KIF26B: variants seen among roughly 807,000 people sequenced by gnomAD.
KIF26B encodes the protein kinesin-like protein KIF26B.
Under a neutral mutation model 151.2 loss-of-function variants are expected in KIF26B, and 63 were observed. That is an observed-to-expected ratio of 0.42 (90% CI 0.34 to 0.51). The LOEUF is 0.51. Among genes scored for constraint, KIF26B ranks in the 20% least tolerant of loss-of-function variants. KIF26B has a pLI of 0.07. For synonymous variants in KIF26B, 1,357 were observed against 1,262.1 expected (o/e 1.08, Z -1.59); for missense variants, 2,813 against 2,913.6 (o/e 0.97, Z 0.79).
Position 245,374,051 on chromosome 1 carries a change from A to T in KIF26B, c.999+6684A>T, listed in dbSNP as rs551022. ...TAACCTGGGTGACAGAGACCCGAGA[A>T]CCTATCTCAAAAAAAAAAAAAAAAA... On this transcript the variant is annotated intron_variant, in intron 3 of 14. Transcript: ENST00000407071. Among the ~76,000 whole-genome samples, 153 of 84,530 alleles carry T rather than the reference A, an allele frequency of 1.8e-3. 1 individual carries two copies. Among genetic ancestry groups the T allele is most frequent in the African/African-American group, 6.9e-3 (144 of 20,838 alleles). The allele number at this position is 84,530 out of a possible 152,430, so 55.5% of individuals were successfully genotyped here. A position where few individuals can be genotyped will look rare whatever the true frequency, so the allele number is the denominator to read the frequency against.
intron 2 of KIF26B, among the ~76,000 whole-genome samples, chr1:245,274,755 T>C (rs1670910986): frequency 6.6e-6 from 1 of 152,208 alleles, no homozygotes; most frequent in Admixed American, 6.5e-5. Context: ...AGTAAGGGGA[T>C]TGCTGGGTCA....
intron 5 of KIF26B, among the ~76,000 whole-genome samples, chr1:245,596,144 G>T (rs915382012): frequency 6.6e-6 from 1 of 151,992 alleles, no homozygotes; most frequent in African/African-American, 2.4e-5. Flanking sequence ...AGGATTTTTT[G>T]TGTCTCTATT....
At chr1:245,307,898 G>A (rs934756244) in intron 2 of KIF26B, among the ~76,000 whole-genome samples, 12 of 152,054 alleles carry the variant, frequency 7.9e-5, no homozygotes, top group Non-Finnish European at 1.6e-4. Flanking sequence ...CCGCCACCAC[G>A]CCCGGCTAAT....
At position 245,609,210 on chromosome 1, in the gene KIF26B, C is replaced by T. The variant is rs766546713; in HGVS notation, c.1652-56C>T. The T allele has an allele frequency of 1.3e-5, 20 of 1,497,116 alleles. 1 individual carries two copies. In the Middle Eastern group the frequency reaches 2.3e-3, roughly 171 times the overall value. 92.7% of individuals were successfully genotyped at this position (1,497,116 alleles called of 1,614,324 possible). ...TCCTTGGCATCTATTTTGGAGACTC[C>T]GTGGAATGATGCCTGGACACTGAAC... On this transcript the variant is annotated intron_variant, in intron 7 of 14. Coordinates refer to ENST00000407071, the MANE Select transcript of KIF26B (RefSeq NM_018012.4).
At chr1:245,638,608 G>T (rs1038705932) in intron 9 of KIF26B, among the ~76,000 whole-genome samples, 1 of 151,954 alleles carries the variant, frequency 6.6e-6, no homozygotes, top group Admixed American at 6.6e-5. Flanking sequence ...TATTCAGTAT[G>T]ACATAAGCTG....
At chr1:245,589,288 C>T (rs1445608613) in intron 5 of KIF26B, among the ~76,000 whole-genome samples, 3 of 152,204 alleles carry the variant, frequency 2.0e-5, no homozygotes, top group South Asian at 2.1e-4. Context: ...GAAAGGGCTT[C>T]CCACCTTCCG....
intron 2 of KIF26B, among the ~76,000 whole-genome samples, chr1:245,215,911 A>G (rs1669633509): frequency 6.6e-6 from 1 of 152,144 alleles, no homozygotes; most frequent in Non-Finnish European, 1.5e-5. Context: ...ATTACATATT[A>G]AAAGAAAATT....
At chr1:245,280,597 G>GTTTTTTTT (rs74163033) in intron 2 of KIF26B, among the ~76,000 whole-genome samples, 11 of 104,486 alleles carry the variant, frequency 1.1e-4, no homozygotes, top group Non-Finnish European at 1.3e-4. Context: ...GGAAGTTTTC[G>GTTTTTTTT]TTTTTTTTTT....
chr1:245,335,113 G>A (rs1206481446), intron 2 of KIF26B, among the ~76,000 whole-genome samples: 1 of 152,150 alleles, frequency 6.6e-6, no homozygotes, highest in African/African-American at 2.4e-5. Context: ...TGCCCTGCTT[G>A]TGTCTGGGGA....
chr1:245,662,637 TACAC>T (rs1372581962), intron 10 of KIF26B, among the ~76,000 whole-genome samples: 1 of 67,620 alleles, frequency 1.5e-5, no homozygotes, highest in Admixed American at 1.6e-4. Flanking sequence ...CAGTGATATA[TACAC>T]ACACACACAT....
chr1:245,419,335 T>C (rs1444249508), intron 3 of KIF26B, among the ~76,000 whole-genome samples: 1 of 152,180 alleles, frequency 6.6e-6, no homozygotes, highest in Non-Finnish European at 1.5e-5. Context: ...ACAGACATAA[T>C]TGAAACTTAC....
At chr1:245,666,771 C>T (rs1433268129) in intron 10 of KIF26B, among the ~76,000 whole-genome samples, 1 of 151,990 alleles carries the variant, frequency 6.6e-6, no homozygotes, top group African/African-American at 2.4e-5. Context: ...GGTTATCCGC[C>T]CTTTTAACTC....
chr1:245,548,416 G>A (rs1661799939), intron 5 of KIF26B, among the ~76,000 whole-genome samples: 4 of 152,196 alleles, frequency 2.6e-5, no homozygotes, highest in Admixed American at 2.6e-4. Context: ...CCAGAACCCA[G>A]TGGTCCTTGG....
In KIF26B at chr1:245,694,639, G is replaced by A. The variant is rs12072220; in HGVS notation, c.5825-3467G>A. Among the ~76,000 whole-genome samples, 531 of 152,316 alleles carry A rather than the reference G, an allele frequency of 3.5e-3. 2 individuals carry two copies. The highest frequency in any genetic ancestry group is 0.012 in the African/African-American group (496 of 41,556). On this transcript the variant is annotated intron_variant, in intron 12 of 14. Coordinates refer to ENST00000407071, the MANE Select transcript of KIF26B (RefSeq NM_018012.4). Reference sequence around the variant, plus strand: ...GCTGTCAGCACCGCAGATGATACCGGAAGATGGACTGTGATGGGCCAGCGA... The same window carrying A: ...GCTGTCAGCACCGCAGATGATACCGAAAGATGGACTGTGATGGGCCAGCGA...
chr1:245,666,423 G>T (rs2044216036), intron 10 of KIF26B, among the ~76,000 whole-genome samples: 1 of 152,190 alleles, frequency 6.6e-6, no homozygotes, highest in African/African-American at 2.4e-5. Context: ...AGGATGCAGG[G>T]TGATAGGCAT....
chr1:245,296,655 G>C (rs1214320098), intron 2 of KIF26B, among the ~76,000 whole-genome samples: 1 of 152,192 alleles, frequency 6.6e-6, no homozygotes, highest in Non-Finnish European at 1.5e-5. Flanking sequence ...CACGAAGTCG[G>C]CCTCACTTTT....
intron 4 of KIF26B, among the ~76,000 whole-genome samples, chr1:245,508,558 G>T (rs909815779): frequency 1.3e-5 from 2 of 151,780 alleles, no homozygotes; most frequent in Non-Finnish European, 2.9e-5. Context: ...TTTAAGCCAA[G>T]TAGATGGGTG....
intron 2 of KIF26B, among the ~76,000 whole-genome samples, chr1:245,332,382 G>A (rs532628517): frequency 1.3e-5 from 2 of 152,282 alleles, no homozygotes; most frequent in East Asian, 3.9e-4. Context: ...CAGAATGGGG[G>A]TTCTCACAAT....
At chr1:245,632,732 ACT>A (rs2043794189) in intron 9 of KIF26B, among the ~76,000 whole-genome samples, 1 of 152,090 alleles carries the variant, frequency 6.6e-6, no homozygotes, top group Non-Finnish European at 1.5e-5. Flanking sequence ...ACATGGTGAA[ACT>A]CTGTCTCTAG....
Sources: gnomAD v4.1 joint callset for allele counts (sites outside exome capture counted in the v4.1 genomes callset) on GRCh38, gnomAD v4.1.1 for gene constraint, MANE v1.5 for transcripts, NCBI Gene and HGNC (gene_info 2026-07-23, HGNC 2026-07-21) for gene names.